The following LOXHD1 variants were observed in gnomAD, a reference collection of about 807,000 sequenced individuals.
LOXHD1 encodes the protein lipoxygenase homology PLAT domains 1.
LOXHD1 carries 205 observed loss-of-function variants against 248.2 expected under a neutral mutation model. The observed-to-expected ratio is 0.83, with a 90% CI of 0.74 to 0.93. LOXHD1 has a LOEUF of 0.93. Ranked by LOEUF, LOXHD1 falls within the 40% of genes least tolerant of loss-of-function variation. The probability of loss-of-function intolerance (pLI) is 0.00; values close to 1 mark genes in which losing one functional copy is unlikely to be tolerated. For synonymous variants in LOXHD1, 1,113 were observed against 1,162.8 expected, an observed-to-expected ratio of 0.96 and a Z score of 0.87; for missense variants, 2,930 against 2,971.6, an observed-to-expected ratio of 0.99 and a Z score of 0.33.
intron 6 of LOXHD1, among the ~76,000 whole-genome samples, chr18:46,608,449 G>A (rs1240430502): frequency 2.0e-5 from 3 of 152,114 alleles, no homozygotes; most frequent in Non-Finnish European, 4.4e-5. Flanking sequence ...GGGTGAAACT[G>A]TTCACCCTTT....
intron 21 of LOXHD1, among the ~76,000 whole-genome samples, chr18:46,551,716 T>A (rs2037113230): frequency 6.6e-6 from 1 of 152,116 alleles, no homozygotes; most frequent in Non-Finnish European, 1.5e-5. Context: ...TAAAAAGATA[T>A]CACAATCTTG....
chr18:46,624,522 T>C (rs1486702809), intron 4 of LOXHD1, among the ~76,000 whole-genome samples: 1 of 152,170 alleles, frequency 6.6e-6, no homozygotes, highest in Non-Finnish European at 1.5e-5. Flanking sequence ...TCATGTAGAC[T>C]CCAGTTCTTT....
At chr18:46,636,655 G>A (rs2038896569) in intron 4 of LOXHD1, among the ~76,000 whole-genome samples, 1 of 152,144 alleles carries the variant, frequency 6.6e-6, no homozygotes, top group African/African-American at 2.4e-5. Flanking sequence ...GGTGGTATAA[G>A]TTCACTGAAC....
intron 12 of LOXHD1, among the ~76,000 whole-genome samples, chr18:46,581,685 C>T (rs2037965424): frequency 6.6e-6 from 1 of 152,064 alleles, no homozygotes; most frequent in South Asian, 2.1e-4. Context: ...CATTAATATA[C>T]ACATTCAACA....
At chr18:46,604,832 C>T (rs2038388895) in intron 6 of LOXHD1, among the ~76,000 whole-genome samples, 1 of 152,128 alleles carries the variant, frequency 6.6e-6, no homozygotes, top group East Asian at 1.9e-4. Context: ...CTGAGGGGCC[C>T]TCTCAAAATG....
chr18:46,656,880 C>T (rs777168194), intron 1 of LOXHD1, 24 bp downstream of exon 1: 1 of 1,549,686 alleles, frequency 6.5e-7, no homozygotes, highest in East Asian at 2.4e-5. Context: ...CACCACCCGC[C>T]CCCCGCAGGC....
intron 1 of LOXHD1, among the ~76,000 whole-genome samples, chr18:46,650,012 T>G (rs1475432224): frequency 6.6e-6 from 1 of 152,112 alleles, no homozygotes; most frequent in Non-Finnish European, 1.5e-5. Flanking sequence ...TGGAGGCATG[T>G]GCTCTATACC....
chr18:46,503,371 T>C (rs1345298776), intron 37 of LOXHD1, among the ~76,000 whole-genome samples: 2 of 152,198 alleles, frequency 1.3e-5, no homozygotes, highest in Non-Finnish European at 2.9e-5. Context: ...TAATCTGATC[T>C]GTCAAATCCC....
chr18:46,506,310 T>C (rs2034568915), intron 36 of LOXHD1, among the ~76,000 whole-genome samples: 1 of 152,202 alleles, frequency 6.6e-6, no homozygotes, highest in Non-Finnish European at 1.5e-5. Context: ...TGGGGAAATA[T>C]ACCCAAACTT....
chr18:46,587,851 G>A (rs1270749701), intron 12 of LOXHD1, among the ~76,000 whole-genome samples: 8 of 152,088 alleles, frequency 5.3e-5, no homozygotes, highest in African/African-American at 1.9e-4. Flanking sequence ...GAGCTGGCAT[G>A]TGTATTGTCC....
chr18:46,499,154 G>A (rs1317240730), intron 37 of LOXHD1, among the ~76,000 whole-genome samples: 1 of 152,196 alleles, frequency 6.6e-6, no homozygotes, highest in Non-Finnish European at 1.5e-5. Flanking sequence ...AATTATGACT[G>A]GCAAGACAAT....
intron 1 of LOXHD1, among the ~76,000 whole-genome samples, chr18:46,649,476 G>A (rs1048953757): frequency 1.4e-4 from 21 of 152,130 alleles, no homozygotes; most frequent in African/African-American, 4.3e-4. Flanking sequence ...CCATGCACTC[G>A]TTTTGCACAC....
chr18:46,559,359 A>G, intron 20 of LOXHD1, 89 bp downstream of exon 20: 1 of 1,549,762 alleles, frequency 6.5e-7, no homozygotes, highest in Admixed American at 2.0e-5. Flanking sequence ...CAAACACAGC[A>G]GCCATTGTGC....
chr18:46,650,709 G>C (rs1210460299), intron 1 of LOXHD1, among the ~76,000 whole-genome samples: 2 of 145,772 alleles, frequency 1.4e-5, no homozygotes, highest in Admixed American at 6.9e-5. Context: ...AGGGAGAATG[G>C]GGGAGGAAGG....
chr18:46,633,401 T>C (rs922385978), intron 4 of LOXHD1, among the ~76,000 whole-genome samples: 1 of 152,220 alleles, frequency 6.6e-6, no homozygotes, highest in Non-Finnish European at 1.5e-5. Context: ...CAAATAGTGC[T>C]GGGAAAACTG....
intron 4 of LOXHD1, among the ~76,000 whole-genome samples, chr18:46,626,856 A>G (rs1211148081): frequency 1.3e-5 from 2 of 151,944 alleles, no homozygotes; most frequent in Non-Finnish European, 2.9e-5. Context: ...GTAACAATAA[A>G]CCTCCCTTGC....
At chr18:46,558,039 C>T (rs775438621) in intron 20 of LOXHD1, 35 of 987,410 alleles carry the variant, frequency 3.5e-5, no homozygotes, top group Non-Finnish European at 3.8e-5. Context: ...CGGGAGGAAG[C>T]AGACCACACC....
At chr18:46,480,819 G>A (rs1388625481) in intron 40 of LOXHD1, among the ~76,000 whole-genome samples, 8 of 152,154 alleles carry the variant, frequency 5.3e-5, no homozygotes, top group Non-Finnish European at 1.0e-4. Context: ...TGATGGGCAG[G>A]GCTGTAGGGA....
At chr18:46,630,207 GGT>G (rs1242336738) in intron 4 of LOXHD1, among the ~76,000 whole-genome samples, 24 of 152,318 alleles carry the variant, frequency 1.6e-4, no homozygotes, top group African/African-American at 5.8e-4. Flanking sequence ...TGACAGCCCT[GGT>G]GTGTGAGCAG....
Sources: gnomAD v4.1 joint callset for allele counts (sites outside exome capture counted in the v4.1 genomes callset) on GRCh38, gnomAD v4.1.1 for gene constraint, MANE v1.5 for transcripts, NCBI Gene and HGNC (gene_info 2026-07-23, HGNC 2026-07-21) for gene names.